Variants in NXPH1 observed in about 807,000 individuals in gnomAD.
NXPH1 encodes neurexophilin-1.
Under a neutral mutation model 23.7 loss-of-function variants are expected in NXPH1, and 5 were observed. The ratio of observed to expected loss-of-function variants is 0.21; its 90% CI spans 0.11 to 0.44. The LOEUF (loss-of-function observed/expected upper bound fraction) is 0.44. Among genes scored for constraint, NXPH1 ranks in the 20% least tolerant of loss-of-function variants. The pLI, the probability that NXPH1 is intolerant of heterozygous loss-of-function variation, is 0.99. For synonymous variants in NXPH1, 144 were observed against 122.2 expected (o/e 1.18, Z -1.18); for missense variants, 324 against 321.6 (o/e 1.01, Z -0.06).
intron 2 of NXPH1, among the ~76,000 whole-genome samples, chr7:8,742,300 G>C (rs186464867): frequency 6.6e-6 from 1 of 151,858 alleles, no homozygotes; most frequent in Non-Finnish European, 1.5e-5. Flanking sequence ...GAGGGGAGTG[G>C]GATATCTGAA....
intron 2 of NXPH1, among the ~76,000 whole-genome samples, chr7:8,485,157 C>T (rs1160366687): frequency 2.0e-5 from 3 of 152,144 alleles, no homozygotes; most frequent in Non-Finnish European, 2.9e-5. Context: ...TTTTCCTGTG[C>T]TCTCTTTGTG....
At chr7:8,734,318 G>A (rs1780208285) in intron 2 of NXPH1, among the ~76,000 whole-genome samples, 1 of 152,142 alleles carries the variant, frequency 6.6e-6, no homozygotes, top group African/African-American at 2.4e-5. Context: ...GATGCCTCCA[G>A]CTTTGTTCTT....
intron 2 of NXPH1, among the ~76,000 whole-genome samples, chr7:8,473,490 C>A (rs1416721055): frequency 6.6e-6 from 1 of 152,120 alleles, no homozygotes; most frequent in Non-Finnish European, 1.5e-5. Context: ...GGGTGTGAGG[C>A]TTCAGATTAA....
At chr7:8,661,974 G>A (rs1299686599) in intron 2 of NXPH1, among the ~76,000 whole-genome samples, 2 of 152,022 alleles carry the variant, frequency 1.3e-5, no homozygotes, top group Non-Finnish European at 2.9e-5. Flanking sequence ...TACACAAAAT[G>A]TAATAAGTAA....
At chr7:8,626,415 T>C (rs6463827) in intron 2 of NXPH1, among the ~76,000 whole-genome samples, 6,333 of 151,656 alleles carry the variant, frequency 0.042, 413 homozygotes, top group African/African-American at 0.14. Flanking sequence ...CTTCAAATAC[T>C]TACCTTACTC....
intron 2 of NXPH1, among the ~76,000 whole-genome samples, chr7:8,698,160 T>C (rs755837572): frequency 8.5e-5 from 13 of 152,234 alleles, no homozygotes; most frequent in Non-Finnish European, 1.6e-4. Flanking sequence ...TCTTACAATG[T>C]ATGGCTGAGT....
intron 2 of NXPH1, among the ~76,000 whole-genome samples, chr7:8,710,047 G>A (rs1383765816): frequency 6.6e-6 from 1 of 152,290 alleles, no homozygotes; most frequent in Admixed American, 6.5e-5. Context: ...GGTCAGAAAA[G>A]AATCTCCTTT....
chr7:8,539,648 A>G (rs543095946), intron 2 of NXPH1, among the ~76,000 whole-genome samples: 1 of 151,860 alleles, frequency 6.6e-6, no homozygotes, highest in Non-Finnish European at 1.5e-5. Flanking sequence ...ACATTTATAT[A>G]CAGATATTGT....
chr7:8,654,312 G>A (rs1056195370), intron 2 of NXPH1, among the ~76,000 whole-genome samples: 1 of 152,086 alleles, frequency 6.6e-6, no homozygotes, highest in Non-Finnish European at 1.5e-5. Flanking sequence ...TTTAGGAAAG[G>A]TTTTCAGCTA....
At chr7:8,739,474 C>A (rs1486241728) in intron 2 of NXPH1, among the ~76,000 whole-genome samples, 1 of 152,102 alleles carries the variant, frequency 6.6e-6, no homozygotes, top group African/African-American at 2.4e-5. Context: ...CCATGGGCTG[C>A]ACGCACTGTC....
intron 2 of NXPH1, among the ~76,000 whole-genome samples, chr7:8,456,148 T>G (rs1412472089): frequency 6.6e-6 from 1 of 152,154 alleles, no homozygotes; most frequent in Admixed American, 6.5e-5. Flanking sequence ...TGATTTCCAT[T>G]TTGCCCATGA....
At chr7:8,506,911 G>GTCCC (rs1024129834) in intron 2 of NXPH1, among the ~76,000 whole-genome samples, 4 of 152,014 alleles carry the variant, frequency 2.6e-5, no homozygotes, top group African/African-American at 9.7e-5. Flanking sequence ...TCATGTGAAG[G>GTCCC]TTTGGTTCCA....
At position 8,442,400 on chromosome 7, in the gene NXPH1, C is replaced by G. The variant is rs957567976; in HGVS notation, c.54+6633C>G. Among the ~76,000 whole-genome samples the G allele has an allele frequency of 1.3e-5, 2 of 152,210 alleles. No homozygotes were observed. The highest frequency in any genetic ancestry group is 4.8e-5 in the African/African-American group (2 of 41,450). ...CCTCTGGCCGCGCCTCGCCATCACC[C>G]CCGCCGCCCTAATGGATTCTGAAGC... On this transcript the variant is annotated intron_variant, in intron 2 of 2. Transcript: ENST00000405863. The surrounding 1 kb of genome is among the most constrained non-coding windows in gnomAD (Gnocchi z 4.6).
At chr7:8,639,103 A>G (rs1419420066) in intron 2 of NXPH1, among the ~76,000 whole-genome samples, 2 of 152,204 alleles carry the variant, frequency 1.3e-5, no homozygotes, top group African/African-American at 2.4e-5. Context: ...TTTTTCTGTC[A>G]GTGCCAAATA....
chr7:8,739,559 G>C (rs191386177), intron 2 of NXPH1, among the ~76,000 whole-genome samples: 6 of 152,268 alleles, frequency 3.9e-5, no homozygotes, highest in African/African-American at 1.2e-4. Flanking sequence ...CATTGATCTT[G>C]CTGGGAGCTG....
intron 2 of NXPH1, among the ~76,000 whole-genome samples, chr7:8,679,259 T>C (rs1036127106): frequency 3.3e-5 from 5 of 152,122 alleles, no homozygotes; most frequent in African/African-American, 1.2e-4. Context: ...CTTTATCCAA[T>C]TCTTATTGGC....
chr7:8,722,170 A>AT (rs981088018), intron 2 of NXPH1, among the ~76,000 whole-genome samples: 1 of 152,146 alleles, frequency 6.6e-6, no homozygotes, highest in African/African-American at 2.4e-5. Context: ...CCATGGAATA[A>AT]TTTTTTAAAA....
At chr7:8,641,450 CT>C (rs148083924) in intron 2 of NXPH1, among the ~76,000 whole-genome samples, 8 of 150,130 alleles carry the variant, frequency 5.3e-5, no homozygotes, top group South Asian at 4.2e-4. Flanking sequence ...TAAATCTGAA[CT>C]TTTTTTTTTC....
At chr7:8,683,068 CTG>C (rs1286523420) in intron 2 of NXPH1, among the ~76,000 whole-genome samples, 3 of 152,164 alleles carry the variant, frequency 2.0e-5, no homozygotes, top group African/African-American at 7.2e-5. Context: ...GTTCTGCAAA[CTG>C]TGCAGGAAAC....
Sources: allele counts gnomAD v4.1 joint callset (sites outside exome capture counted in the v4.1 genomes callset), GRCh38; gene constraint gnomAD v4.1.1; non-coding constraint Gnocchi (gnomAD v3.1); transcripts MANE v1.5; gene names NCBI Gene and HGNC (gene_info 2026-07-23, HGNC 2026-07-21).